Variants in RGS12 observed in about 807,000 individuals in gnomAD.
The protein encoded by RGS12 is regulator of G-protein signaling 12.
RGS12 carries 66 observed loss-of-function variants against 120.1 expected under a neutral mutation model. That is an observed-to-expected ratio of 0.55 (90% CI 0.45 to 0.67). The LOEUF is 0.67. Among genes scored for constraint, RGS12 ranks in the 30% least tolerant of loss-of-function variants. RGS12 has a pLI of 0.00. For synonymous variants in RGS12, 827 were observed against 804.7 expected, an observed-to-expected ratio of 1.03 and a Z score of -0.47; for missense variants, 1,859 against 1,957.7, an observed-to-expected ratio of 0.95 and a Z score of 0.95.
intron 2 of RGS12, among the ~76,000 whole-genome samples, chr4:3,333,531 A>G (rs1480704786): frequency 6.6e-6 from 1 of 152,174 alleles, no homozygotes; most frequent in Non-Finnish European, 1.5e-5. Flanking sequence ...TGTTTATGAA[A>G]AGAATCAGGT....
chr4:3,314,148 T>C (rs1274784045), intron 1 of RGS12: 4 of 151,966 alleles, frequency 2.6e-5, no homozygotes, highest in Non-Finnish European at 4.4e-5. Context: ...AGTAATGTAA[T>C]TTATATTCAT....
intron 3 of RGS12, among the ~76,000 whole-genome samples, chr4:3,356,727 T>G (rs1714931860): frequency 1.3e-5 from 2 of 152,230 alleles, no homozygotes; most frequent in African/African-American, 4.8e-5. Context: ...CAGAATGTCC[T>G]TCCTTTTTAA....
intron 4 of RGS12, among the ~76,000 whole-genome samples, chr4:3,400,764 A>G (rs1720504289): frequency 6.7e-6 from 1 of 149,226 alleles, no homozygotes; most frequent in African/African-American, 2.4e-5. Flanking sequence ...AATTAGTAAT[A>G]GAATATATAT....
chr4:3,358,321 TC>T lies in RGS12; in HGVS notation c.1998+15269del, dbSNP rs561376041. The stretch of plus-strand genomic sequence containing the variant: ...TGTTTGTTTCCAGTTTGGGGGCCTT[TC>T]ATTTCTTTTTTTGCCTAATTGCTCT... On this transcript the variant is annotated intron_variant, in intron 3 of 17. Coordinates refer to ENST00000336727, the MANE Select transcript of RGS12 (RefSeq NM_001394154.1). Among the ~76,000 whole-genome samples the T allele has an allele frequency of 9.2e-5, 14 of 152,326 alleles. No individual in the cohort carries two copies. The South Asian group carries it at 2.9e-3, about 32-fold the overall frequency.
chr4:3,404,502 CT>C, intron 4 of RGS12, among the ~76,000 whole-genome samples: 1 of 152,328 alleles, frequency 6.6e-6, no homozygotes, highest in African/African-American at 2.4e-5. Flanking sequence ...TCTTAAGCTG[CT>C]TTCTGTTTGT....
At chr4:3,291,764 G>T (rs557827546), upstream of RGS12, among the ~76,000 whole-genome samples, 4 of 152,258 alleles carry the variant, frequency 2.6e-5, no homozygotes, top group African/African-American at 9.6e-5. Flanking sequence ...CGCTCTGGCC[G>T]CGCTCCTTCA....
rs762756603 is a variant in RGS12 at position 3,317,202 on chromosome 4, A to T, written c.1032A>T (p.Pro344=). ...CCTGCCACGTGTTCATGGTGGACCCAGACTTGTTTAATCACAAGATCCACC... is the reference window on the plus strand; with the variant it reads ...CCTGCCACGTGTTCATGGTGGACCCTGACTTGTTTAATCACAAGATCCACC... The part of the protein sequence containing the change: ...RTSCHVFMVD[P]DLFNHKIHQG... The change falls in exon 2 of 18, where the codon CCA becomes CCT. Residue 344 remains proline (P), a synonymous_variant. Coordinates refer to ENST00000336727, the MANE Select transcript of RGS12 (RefSeq NM_001394154.1). 6.2e-7 allele frequency: 1 copy of T among 1,614,176 alleles called. No homozygotes were observed. Among genetic ancestry groups the T allele is most frequent in the South Asian group, 1.1e-5 (1 of 91,088 alleles).
intron 4 of RGS12, among the ~76,000 whole-genome samples, chr4:3,403,169 C>T (rs1720769717): frequency 6.6e-6 from 1 of 152,240 alleles, no homozygotes; most frequent in South Asian, 2.1e-4. Context: ...GACTTGGTGT[C>T]ACTTCAGACG....
chr4:3,372,243 C>T lies in RGS12; in HGVS notation c.1999-14173C>T, dbSNP rs1281131375. 2.0e-5 allele frequency among the ~76,000 whole-genome samples: 3 copies of T among 152,052 alleles called. No homozygotes were observed. Among genetic ancestry groups the T allele is most frequent in the South Asian group, 2.1e-4 (1 of 4,812 alleles). ...CCAGGGTGCCCTGCTGTGGGGTGGC[C>T]GCTCTGGGCTGGGGGGCTGCTGCAG... On this transcript the variant is annotated intron_variant, in intron 3 of 17. Transcript: ENST00000336727. The surrounding 1 kb of genome is among the most constrained non-coding windows in gnomAD (Gnocchi z 4.3).
Position 3,416,085 on chromosome 4 carries a change from A to G in RGS12, c.2391A>G (p.Ala797=). The change falls in exon 7 of 18, where the codon GCA becomes GCG. Residue 797 remains alanine, a synonymous_variant. Transcript: ENST00000336727. The part of the protein sequence containing the change: ...QAQLADDVLR[A]PHPDMFKEQQ... ...AGCTAGCAGACGACGTCCTCCGCGC[A>G]CCTCACCCAGACATGTTCAAGGAGC... 6.2e-7 allele frequency: 1 copy of G among 1,613,956 alleles called. No individual in the cohort carries two copies. The highest frequency in any genetic ancestry group is 8.5e-7 in the Non-Finnish European group (1 of 1,179,988).
At position 3,365,223 on chromosome 4, in the gene RGS12, T is replaced by C. The variant is rs13104157; in HGVS notation, c.1999-21193T>C. 0.7 allele frequency among the ~76,000 whole-genome samples: 105,958 copies of C among 152,036 alleles called. 38,701 individuals are homozygous for C. The highest frequency in any genetic ancestry group is 0.92 in the African/African-American group (38,272 of 41,512). ...CCCGGCCAGATCCACTGCCTGTTCT[T>C]GTAAATAGAGTCTCCCTGGGCTGCA... On this transcript the variant is annotated intron_variant, in intron 3 of 17. Transcript: ENST00000336727. The surrounding 1 kb of genome is among the most constrained non-coding windows in gnomAD (Gnocchi z 4.0).
In RGS12 at chr4:3,317,168, T is replaced by C. The variant is rs1724831114; in HGVS notation, c.998T>C (p.Leu333Pro). 1 of 1,613,964 alleles carries C rather than the reference T, an allele frequency of 6.2e-7. No homozygotes were observed. The highest frequency in any genetic ancestry group is 1.3e-5 in the African/African-American group (1 of 74,938). Residue 333 changes from leucine to proline, a missense_variant, in exon 2 of 18, where the codon CTG (leucine) becomes CCG (proline). Physicochemically the swap from Leu to Pro is moderately conservative, Grantham distance 98. Around this residue, in one of 3 missense-constraint regions of RGS12, gnomAD observed 967 missense variants for 994.2 expected, o/e 0.97. Transcript: ENST00000336727. ...GSLAQEEEGA[L>P]RTSCHVFMVD... ...CTGGCCCAGGAGGAGGAGGGCGCCC[T>C]GCGGACTTCCTGCCACGTGTTCATG...
intron 4 of RGS12, among the ~76,000 whole-genome samples, chr4:3,394,752 A>G (rs543896596): frequency 2.0e-5 from 3 of 152,366 alleles, no homozygotes; most frequent in East Asian, 1.9e-4. Context: ...CATGTGTGTT[A>G]TCAGCACTCA....
intron 3 of RGS12, among the ~76,000 whole-genome samples, chr4:3,347,892 G>A (rs1713970800): frequency 6.6e-6 from 1 of 152,158 alleles, no homozygotes; most frequent in Admixed American, 6.5e-5. Context: ...GTTTCTGAGA[G>A]TTTTATACAA....
chr4:3,287,735 T>G, the RGS12 span, among the ~76,000 whole-genome samples: 2 of 152,278 alleles, frequency 1.3e-5, no homozygotes, highest in Admixed American at 6.5e-5. Context: ...TCATTTAATT[T>G]ATTTCATCTG....
chr4:3,299,818 G>C (rs928021709), intron 1 of RGS12, among the ~76,000 whole-genome samples: 8 of 152,136 alleles, frequency 5.3e-5, no homozygotes, highest in African/African-American at 1.9e-4. Context: ...CCTCTGATGC[G>C]AGCACCATAA....
chr4:3,401,980 T>A (rs1720634680), intron 4 of RGS12, among the ~76,000 whole-genome samples: 1 of 152,180 alleles, frequency 6.6e-6, no homozygotes, highest in South Asian at 2.1e-4. Flanking sequence ...GGTGGCCCCC[T>A]GAGCCCCAGC....
the RGS12 span, among the ~76,000 whole-genome samples, chr4:3,285,987 G>A: frequency 6.6e-6 from 1 of 152,242 alleles, no homozygotes; most frequent in African/African-American, 2.4e-5. Context: ...ACTTCCTGCC[G>A]GTGTGCCGGG....
intron 17 of RGS12, among the ~76,000 whole-genome samples, chr4:3,436,727 T>G (rs563153720): frequency 6.6e-6 from 1 of 152,098 alleles, no homozygotes; most frequent in South Asian, 2.1e-4. Context: ...TGGACAAGTG[T>G]CTGGGAGGCC....
Sources: gnomAD v4.1 joint callset for allele counts (sites outside exome capture counted in the v4.1 genomes callset) on GRCh38, gnomAD v4.1.1 for gene constraint, gnomAD v4.1.1 regional missense constraint, Gnocchi (gnomAD v3.1) non-coding constraint, MANE v1.5 for transcripts, NCBI Gene and HGNC (gene_info 2026-07-23, HGNC 2026-07-21) for gene names.